Variants in CPS1 observed in about 807,000 individuals in gnomAD.
CPS1 encodes the protein carbamoyl-phosphate synthase [ammonia], mitochondrial.
CPS1 carries 109 observed loss-of-function variants against 174.6 expected under a neutral mutation model. The ratio of observed to expected loss-of-function variants is 0.62; its 90% CI spans 0.53 to 0.73. The LOEUF is 0.73. Ranked by LOEUF, CPS1 falls within the 30% of genes least tolerant of loss-of-function variation. The pLI, the probability that CPS1 is intolerant of heterozygous loss-of-function variation, is 0.00. For missense variants in CPS1, 1,689 were observed against 1,821.9 expected, an observed-to-expected ratio of 0.93 and a Z score of 1.33; for synonymous variants, 637 against 632.0, an observed-to-expected ratio of 1.01 and a Z score of -0.12.
At chr2:210,493,969 A>T (rs543267554) in intron 1 of CPS1, among the ~76,000 whole-genome samples, 5 of 152,208 alleles carry the variant, frequency 3.3e-5, no homozygotes, top group African/African-American at 1.2e-4. Context: ...TCATGGTGTC[A>T]TGTTGCTGAA....
At chr2:210,636,174 A>G (rs976204616) in intron 21 of CPS1, among the ~76,000 whole-genome samples, 2 of 152,192 alleles carry the variant, frequency 1.3e-5, no homozygotes, top group Non-Finnish European at 2.9e-5. Context: ...ATTACATGAA[A>G]TAGCTGGCCC....
intron 23 of CPS1, among the ~76,000 whole-genome samples, chr2:210,639,777 C>T (rs1328720923): frequency 6.6e-6 from 1 of 152,092 alleles, no homozygotes; most frequent in East Asian, 1.9e-4. Flanking sequence ...GCTATGTTCT[C>T]ATGACTATTT....
At chr2:210,650,590 T>C (rs1367456391) in intron 28 of CPS1, 152 bp downstream of exon 28, 1 of 704,418 alleles carries the variant, frequency 1.4e-6, no homozygotes, top group Admixed American at 2.2e-5. Flanking sequence ...AGTTTTCTTT[T>C]TTCCTCTTCT....
intron 36 of CPS1, 110 bp from the exon 37 acceptor site, chr2:210,676,897 A>G (rs1014045580): frequency 3.0e-6 from 3 of 997,910 alleles, no homozygotes; most frequent in Admixed American, 1.8e-5. Context: ...ATGGCAGTCA[A>G]CTCAGCATGG....
At chr2:210,597,900 T>G (rs1404555030) in intron 13 of CPS1, among the ~76,000 whole-genome samples, 3 of 151,592 alleles carry the variant, frequency 2.0e-5, no homozygotes, top group Admixed American at 6.6e-5. Flanking sequence ...TACCATATGG[T>G]TTTTTAAATA....
chr2:210,560,273 T>C (rs1574524565), intron 1 of CPS1, among the ~76,000 whole-genome samples: 1 of 152,056 alleles, frequency 6.6e-6, no homozygotes, highest in African/African-American at 2.4e-5. Context: ...CATGGGAGTA[T>C]ACAGGAAGAA....
intron 1 of CPS1, among the ~76,000 whole-genome samples, chr2:210,569,445 A>G (rs1214383746): frequency 6.6e-6 from 1 of 152,062 alleles, no homozygotes; most frequent in African/African-American, 2.4e-5. Context: ...AGTGGAAAAG[A>G]AAGGGCAAAT....
intron 21 of CPS1, among the ~76,000 whole-genome samples, chr2:210,631,801 A>G (rs1020769202): frequency 6.6e-6 from 1 of 152,244 alleles, no homozygotes; most frequent in African/African-American, 2.4e-5. Context: ...TTTAGAGGAC[A>G]CAGTTCTGAA....
chr2:210,645,205 A>T (rs16844728), intron 25 of CPS1, among the ~76,000 whole-genome samples: 35,716 of 151,942 alleles, frequency 0.24, 8,636 homozygotes, highest in African/African-American at 0.62. Context: ...AACCTGCACG[A>T]CACCATCACA....
chr2:210,678,351 C>G lies in CPS1; in HGVS notation c.*366C>G. 2 of 301,708 alleles carry G rather than the reference C, an allele frequency of 6.6e-6. No homozygotes were observed. The highest frequency in any genetic ancestry group is 8.4e-5 in the East Asian group (1 of 11,904). 18.7% of individuals were successfully genotyped at this position (301,708 alleles called of 1,614,324 possible). The stretch of plus-strand genomic sequence containing the variant: ...AACTCTTTCTATACTTTAAGATACT[C>G]TATTTTTAAAACACTATCTGCAAAC... On this transcript the variant is annotated 3_prime_UTR_variant, in exon 38 of 38. Transcript: ENST00000233072.
chr2:210,647,828 AT>A, intron 25 of CPS1, 34 bp from the exon 26 acceptor site: 1 of 1,607,760 alleles, frequency 6.2e-7, no homozygotes, highest in Middle Eastern at 1.7e-4. Context: ...TAATGAAGTT[AT>A]TCCAATGGCT....
intron 6 of CPS1, among the ~76,000 whole-genome samples, chr2:210,585,265 A>G (rs1559089484): frequency 6.6e-6 from 1 of 152,018 alleles, no homozygotes; most frequent in Non-Finnish European, 1.5e-5. Context: ...TGGTAGTTAC[A>G]GTTGGTGGTA....
Position 210,675,799 on chromosome 2 carries a change from G to T in CPS1, c.4233G>T (p.Pro1411=). Residue 1411 remains proline (P), a synonymous_variant, in exon 36 of 38, where the codon CCG becomes CCT. Coordinates refer to ENST00000233072, the MANE Select transcript of CPS1 (RefSeq NM_001875.5). ...NNVPATPVAW[P]SQEGQNPSLS... The stretch of plus-strand genomic sequence containing the variant: ...TCCCTGCCACCCCAGTGGCATGGCC[G>T]TCTCAAGAAGGACAGAATCCCAGCC... 1 of 1,599,708 alleles carries T rather than the reference G, an allele frequency of 6.3e-7. No homozygotes were observed. The highest frequency in any genetic ancestry group is 8.6e-7 in the Non-Finnish European group (1 of 1,166,854).
At chr2:210,629,318 T>C (rs960414614) in intron 21 of CPS1, among the ~76,000 whole-genome samples, 24 of 152,248 alleles carry the variant, frequency 1.6e-4, no homozygotes, top group African/African-American at 5.3e-4. Context: ...GCATCCTTTT[T>C]TTTTCTTTTT....
chr2:210,514,310 C>A (rs1351617446), intron 1 of CPS1, among the ~76,000 whole-genome samples: 4 of 151,956 alleles, frequency 2.6e-5, no homozygotes, highest in Non-Finnish European at 4.4e-5. Flanking sequence ...TCTTCCTATC[C>A]ATGAACATAA....
chr2:210,532,046 T>A (rs1380530793), intron 1 of CPS1, among the ~76,000 whole-genome samples: 1 of 152,148 alleles, frequency 6.6e-6, no homozygotes, highest in African/African-American at 2.4e-5. Flanking sequence ...CACACAATTC[T>A]TTGGTATTCT....
At chr2:210,591,786 C>G in intron 9 of CPS1, 45 bp from the exon 10 acceptor site, 2 of 1,596,782 alleles carry the variant, frequency 1.3e-6, no homozygotes, top group South Asian at 2.2e-5. Context: ...ATATTATTCT[C>G]TTCACTTTTC....
rs565332225 is a variant in CPS1, at chr2:210,635,729, TGA to T, written c.2688-1968_2688-1967del. ...AATTTGACAGGAAAATGCATTGCTC[TGA>T]GAGAATGCTTATCAAATACTTGGGA... On this transcript the variant is annotated intron_variant, in intron 21 of 37. Coordinates refer to ENST00000233072, the MANE Select transcript of CPS1 (RefSeq NM_001875.5). 1.2e-3 allele frequency among the ~76,000 whole-genome samples: 182 copies of T among 152,272 alleles called. No homozygotes were observed. The Middle Eastern group carries it at 0.024, about 20-fold the overall frequency.
At chr2:210,640,153 A>G in intron 24 of CPS1, 94 bp downstream of exon 24, 1 of 879,812 alleles carries the variant, frequency 1.1e-6, no homozygotes, top group Admixed American at 2.1e-5. Context: ...ACTATATCAA[A>G]TAAATGCTGT....
Sources: gnomAD v4.1 joint callset for allele counts (sites outside exome capture counted in the v4.1 genomes callset) on GRCh38, gnomAD v4.1.1 for gene constraint, MANE v1.5 for transcripts, NCBI Gene and HGNC (gene_info 2026-07-23, HGNC 2026-07-21) for gene names.